Variants in GHR observed in about 807,000 individuals in gnomAD.
The protein encoded by GHR is growth hormone receptor, also known as GH receptor.
GHR carries 35 observed loss-of-function variants against 67.1 expected under a neutral mutation model. The ratio of observed to expected loss-of-function variants is 0.52; its 90% CI spans 0.40 to 0.69. GHR has a LOEUF of 0.69. GHR is among the 30% of genes least tolerant of loss of function. GHR has a pLI of 0.00. For missense variants in GHR, 792 were observed against 764.6 expected, an observed-to-expected ratio of 1.04 and a Z score of -0.42; for synonymous variants, 272 against 269.1, an observed-to-expected ratio of 1.01 and a Z score of -0.10.
Position 42,711,249 on chromosome 5 carries a change from A to T in GHR, c.661A>T (p.Lys221Ter). The change falls in exon 7 of 10, where the codon AAA becomes TAA. Residue 221 changes from lysine to a stop codon, truncating the protein, a stop_gained. Transcript: ENST00000230882. LOFTEE classifies it high-confidence loss of function. ...AACATCAGTTCCAGTGTACTCATTG[A>T]AAGTGGATAAGGAATATGAAGTGCG... is the stretch of plus-strand genomic sequence containing the variant. Reference protein sequence around the residue: ...LTTSVPVYSLKVDKEYEVRVR... With the variant: ...LTTSVPVYSL The T allele has an allele frequency of 6.2e-7, 1 of 1,613,352 alleles. No individual in the cohort carries two copies. The highest frequency in any genetic ancestry group is 8.5e-7 in the Non-Finnish European group (1 of 1,179,310).
chr5:42,560,709 C>T (rs1227231572), intron 1 of GHR, among the ~76,000 whole-genome samples: 1 of 152,140 alleles, frequency 6.6e-6, no homozygotes, highest in African/African-American at 2.4e-5. Context: ...TGCCTTAAAA[C>T]ACCAAGTATC....
At chr5:42,645,008 T>C (rs1246124490) in intron 3 of GHR, among the ~76,000 whole-genome samples, 1 of 152,206 alleles carries the variant, frequency 6.6e-6, no homozygotes, top group Non-Finnish European at 1.5e-5. Context: ...TCTTTATTAC[T>C]AGTGGCCAGA....
intron 3 of GHR, among the ~76,000 whole-genome samples, chr5:42,659,891 G>A (rs1403340224): frequency 6.6e-6 from 1 of 152,076 alleles, no homozygotes; most frequent in African/African-American, 2.4e-5. Flanking sequence ...TGGAAAATCG[G>A]GTCACTCCCA....
intron 2 of GHR, among the ~76,000 whole-genome samples, chr5:42,604,998 T>C (rs1752556867): frequency 1.3e-5 from 2 of 151,986 alleles, no homozygotes; most frequent in South Asian, 2.1e-4. Flanking sequence ...CTTTAAATTA[T>C]ATGAAATAGC....
At chr5:42,445,166 G>A (rs1457688678) in intron 1 of GHR, among the ~76,000 whole-genome samples, 1 of 152,148 alleles carries the variant, frequency 6.6e-6, no homozygotes, top group Non-Finnish European at 1.5e-5. Flanking sequence ...CCATGTGCTG[G>A]ACAGTGGACC....
intron 1 of GHR, among the ~76,000 whole-genome samples, chr5:42,497,274 A>C (rs1377347134): frequency 6.6e-6 from 1 of 152,114 alleles, no homozygotes; most frequent in African/African-American, 2.4e-5. Flanking sequence ...TGCTTGTCAC[A>C]GTTTACATTA....
chr5:42,565,633 G>T (rs183489953), intron 1 of GHR: 2 of 984,684 alleles, frequency 2.0e-6, no homozygotes, highest in Admixed American at 1.2e-4. Context: ...TAGTGTTCAT[G>T]TTATTTCCTG....
rs78393458 is a variant in GHR, at chr5:42,544,418, C to G, written c.-11-21446C>G. 6.2e-4 allele frequency among the ~76,000 whole-genome samples: 94 copies of G among 152,230 alleles called. 2 individuals are homozygous for G. The East Asian group carries it at 0.018, about 28-fold the overall frequency. On this transcript the variant is annotated intron_variant, in intron 1 of 9. Coordinates refer to ENST00000230882, the MANE Select transcript of GHR (RefSeq NM_000163.5). ...AGTGAAACTGAAATTCTCTTCTTGT[C>G]TAGTTTGAATCTAAATTAGGACAGT...
At chr5:42,577,989 G>A (rs1750856029) in intron 2 of GHR, among the ~76,000 whole-genome samples, 1 of 152,118 alleles carries the variant, frequency 6.6e-6, no homozygotes, top group African/African-American at 2.4e-5. Flanking sequence ...TTGAACTAGA[G>A]CTCACAGAAC....
intron 7 of GHR, 103 bp from the exon 8 acceptor site, chr5:42,713,326 G>A: frequency 9.8e-6 from 7 of 717,734 alleles, no homozygotes; most frequent in Non-Finnish European, 1.5e-5. Flanking sequence ...GACTTTATTA[G>A]ATGAATACAA....
chr5:42,608,469 A>G (rs1269310015), intron 2 of GHR, among the ~76,000 whole-genome samples: 1 of 152,096 alleles, frequency 6.6e-6, no homozygotes, highest in East Asian at 1.9e-4. Flanking sequence ...AGTATAGTGT[A>G]TATTGTACTT....
intron 1 of GHR, among the ~76,000 whole-genome samples, chr5:42,563,135 C>A (rs534776671): frequency 7.7e-4 from 117 of 152,286 alleles, no homozygotes; most frequent in African/African-American, 2.7e-3. Flanking sequence ...CCGAGAAATG[C>A]AAACCTGTTC....
rs140806914 is a variant in GHR, at chr5:42,567,921, G to C, written c.70+1977G>C. On this transcript the variant is annotated intron_variant, in intron 2 of 9. Transcript: ENST00000230882. ...GATAATATTTATGGACCATGTGTTT[G>C]TTTTTCTGCCAGGTCTGGATTGTAG... 6.2e-3 allele frequency among the ~76,000 whole-genome samples: 940 copies of C among 152,040 alleles called. 3 individuals carry two copies. The highest frequency in any genetic ancestry group is 8.9e-3 in the Non-Finnish European group (608 of 67,940).
At chr5:42,490,027 C>T (rs2972391) in intron 1 of GHR, among the ~76,000 whole-genome samples, 21,365 of 152,006 alleles carry the variant, frequency 0.14, 1,667 homozygotes, top group Middle Eastern at 0.2. Context: ...ACATAAAAAG[C>T]TGTAAAAATT....
At chr5:42,645,316 A>G (rs1242554402) in intron 3 of GHR, among the ~76,000 whole-genome samples, 3 of 152,230 alleles carry the variant, frequency 2.0e-5, no homozygotes, top group South Asian at 2.1e-4. Flanking sequence ...GATGTGAGCT[A>G]TCAAATATTT....
At chr5:42,483,010 G>C (rs1745721721) in intron 1 of GHR, among the ~76,000 whole-genome samples, 1 of 151,952 alleles carries the variant, frequency 6.6e-6, no homozygotes, top group East Asian at 1.9e-4. Flanking sequence ...ATTCCTATTT[G>C]GCCATCTTGG....
At chr5:42,648,031 T>A (rs1021826227) in intron 3 of GHR, among the ~76,000 whole-genome samples, 5 of 152,150 alleles carry the variant, frequency 3.3e-5, no homozygotes, top group African/African-American at 7.2e-5. Flanking sequence ...TTTTAAAAAA[T>A]TTTTAAAGAC....
intron 1 of GHR, among the ~76,000 whole-genome samples, chr5:42,543,922 A>C (rs530289828): frequency 2.0e-5 from 3 of 151,974 alleles, no homozygotes; most frequent in South Asian, 4.1e-4. Flanking sequence ...TTTTTTTTTA[A>C]AAAAACAACC....
chr5:42,589,492 T>C (rs1334258458), intron 2 of GHR, among the ~76,000 whole-genome samples: 2 of 152,228 alleles, frequency 1.3e-5, no homozygotes, highest in Non-Finnish European at 2.9e-5. Flanking sequence ...GTTGTCTTCA[T>C]AGTATTTTAG....
Sources: gnomAD v4.1 joint callset for allele counts (sites outside exome capture counted in the v4.1 genomes callset) on GRCh38, gnomAD v4.1.1 for gene constraint, MANE v1.5 for transcripts, NCBI Gene and HGNC (gene_info 2026-07-23, HGNC 2026-07-21) for gene names.